ARHGAP15: variants seen among roughly 807,000 people sequenced by gnomAD.
The protein encoded by ARHGAP15 is Rho GTPase activating protein 15.
ARHGAP15 carries 51 observed loss-of-function variants against 63.7 expected under a neutral mutation model. That is an observed-to-expected ratio of 0.80 (90% CI 0.64 to 1.01). The LOEUF (loss-of-function observed/expected upper bound fraction) is 1.01. Ranked by LOEUF, ARHGAP15 falls within the 50% of genes least tolerant of loss-of-function variation. ARHGAP15 has a pLI of 0.00. For synonymous variants in ARHGAP15, 191 were observed against 193.8 expected, an observed-to-expected ratio of 0.99 and a Z score of 0.12; for missense variants, 560 against 564.6, an observed-to-expected ratio of 0.99 and a Z score of 0.08.
At chr2:143,502,134 T>C (rs1170043795) in intron 9 of ARHGAP15, among the ~76,000 whole-genome samples, 1 of 152,030 alleles carries the variant, frequency 6.6e-6, no homozygotes, top group Non-Finnish European at 1.5e-5. Context: ...TTTGGCTGGG[T>C]GCAGTGGCTC....
chr2:143,648,871 C>A (rs1681025909), intron 12 of ARHGAP15: 1 of 151,852 alleles, frequency 6.6e-6, no homozygotes. Flanking sequence ...TATCTTTTTG[C>A]CATTCTGGGA....
At chr2:143,363,268 G>C (rs1174218603) in intron 6 of ARHGAP15, among the ~76,000 whole-genome samples, 1 of 152,064 alleles carries the variant, frequency 6.6e-6, no homozygotes, top group Non-Finnish European at 1.5e-5. Flanking sequence ...TGCCCAGGTG[G>C]GGTGGCTTAT....
intron 6 of ARHGAP15, among the ~76,000 whole-genome samples, chr2:143,275,762 G>A (rs958252089): frequency 6.6e-6 from 1 of 152,150 alleles, no homozygotes; most frequent in Non-Finnish European, 1.5e-5. Context: ...GTTTGCTTGT[G>A]TCTGTACTCT....
chr2:143,348,506 C>G (rs1466429572), intron 6 of ARHGAP15, among the ~76,000 whole-genome samples: 1 of 151,800 alleles, frequency 6.6e-6, no homozygotes, highest in Non-Finnish European at 1.5e-5. Flanking sequence ...AGAATAAAAC[C>G]AAACAGTGTT....
chr2:143,719,072 C>G (rs765725386), intron 13 of ARHGAP15, among the ~76,000 whole-genome samples: 11 of 152,204 alleles, frequency 7.2e-5, no homozygotes, highest in Non-Finnish European at 1.5e-4. Context: ...AAAGAGACAA[C>G]AAGTAGAACA....
rs116277640 is a variant in ARHGAP15 at position 143,315,103 on chromosome 2, A to G, written c.474+64503A>G. Reference sequence around the variant, plus strand: ...CCTTCAAGGAGGTTTGCAGATTACAATGAGTTCTTGCAGCAACAATTATAT... The same window carrying G: ...CCTTCAAGGAGGTTTGCAGATTACAGTGAGTTCTTGCAGCAACAATTATAT... On this transcript the variant is annotated intron_variant, in intron 6 of 13. Transcript: ENST00000295095. Among the ~76,000 whole-genome samples the G allele has an allele frequency of 4.6e-3, 695 of 152,334 alleles. 4 individuals carry two copies. The highest frequency in any genetic ancestry group is 0.015 in the African/African-American group (617 of 41,582).
intron 6 of ARHGAP15, among the ~76,000 whole-genome samples, chr2:143,276,946 A>C (rs1681589835): frequency 6.6e-6 from 1 of 152,166 alleles, no homozygotes; most frequent in African/African-American, 2.4e-5. Context: ...ATGAGCAAAA[A>C]CTTCAGAGTG....
chr2:143,642,801 A>G (rs929348660), intron 12 of ARHGAP15, among the ~76,000 whole-genome samples: 2 of 152,140 alleles, frequency 1.3e-5, no homozygotes, highest in Non-Finnish European at 2.9e-5. Flanking sequence ...AGAGCCAGCC[A>G]GGGAATGTTG....
intron 12 of ARHGAP15, among the ~76,000 whole-genome samples, chr2:143,629,262 G>T (rs1197520991): frequency 6.6e-6 from 1 of 151,374 alleles, no homozygotes; most frequent in Non-Finnish European, 1.5e-5. Flanking sequence ...AATACTCATT[G>T]GGGTAACAAA....
intron 10 of ARHGAP15, among the ~76,000 whole-genome samples, chr2:143,553,836 A>T (rs1009178941): frequency 1.3e-5 from 2 of 152,246 alleles, no homozygotes; most frequent in Non-Finnish European, 2.9e-5. Flanking sequence ...AAACCAGTTT[A>T]CAATTCTATG....
chr2:143,426,854 T>C (rs1364204093), intron 6 of ARHGAP15, among the ~76,000 whole-genome samples: 1 of 152,212 alleles, frequency 6.6e-6, no homozygotes, highest in Non-Finnish European at 1.5e-5. Context: ...TCTTCTGTTC[T>C]CTGAATGTAA....
intron 6 of ARHGAP15, among the ~76,000 whole-genome samples, chr2:143,339,759 TTA>T (rs1210321716): frequency 3.3e-5 from 5 of 152,300 alleles, no homozygotes; most frequent in South Asian, 4.1e-4. Flanking sequence ...AAGTTATACT[TTA>T]TGTGTGTTCA....
At chr2:143,361,821 CAGAG>C (rs1179535129) in intron 6 of ARHGAP15, among the ~76,000 whole-genome samples, 2 of 152,176 alleles carry the variant, frequency 1.3e-5, no homozygotes, top group Non-Finnish European at 2.9e-5. Flanking sequence ...GGCTGGCTGC[CAGAG>C]AGATTATTCC....
intron 13 of ARHGAP15, among the ~76,000 whole-genome samples, chr2:143,755,162 G>A (rs1380244286): frequency 6.6e-6 from 1 of 151,784 alleles, no homozygotes; most frequent in African/African-American, 2.4e-5. Flanking sequence ...TCCAATACAG[G>A]AATCTCAAAC....
chr2:143,658,985 G>T (rs1247473842), intron 12 of ARHGAP15, among the ~76,000 whole-genome samples: 1 of 152,142 alleles, frequency 6.6e-6, no homozygotes, highest in Non-Finnish European at 1.5e-5. Context: ...AAGAATAGAT[G>T]TAGGATAGAC....
chr2:143,750,169 G>A (rs1197379010), intron 13 of ARHGAP15, among the ~76,000 whole-genome samples: 1 of 152,238 alleles, frequency 6.6e-6, no homozygotes, highest in Non-Finnish European at 1.5e-5. Flanking sequence ...GCTGGGCGTG[G>A]TGGCTCACAC....
chr2:143,222,057 TTTC>T (rs1249589883), intron 4 of ARHGAP15, among the ~76,000 whole-genome samples: 1 of 152,238 alleles, frequency 6.6e-6, no homozygotes, highest in African/African-American at 2.4e-5. Context: ...AGGCTGAATC[TTTC>T]TTCATTTTCT....
intron 6 of ARHGAP15, among the ~76,000 whole-genome samples, chr2:143,324,981 G>A (rs1684187829): frequency 6.6e-6 from 1 of 152,108 alleles, no homozygotes; most frequent in South Asian, 2.1e-4. Flanking sequence ...TCTAGCATGT[G>A]CACAATAGGT....
intron 1 of ARHGAP15, among the ~76,000 whole-genome samples, chr2:143,154,619 T>G (rs1289771136): frequency 6.6e-6 from 1 of 151,934 alleles, no homozygotes; most frequent in Non-Finnish European, 1.5e-5. Context: ...GCAACCATTC[T>G]GTTTGTAATG....
Sources: gnomAD v4.1 joint callset for allele counts (sites outside exome capture counted in the v4.1 genomes callset) on GRCh38, gnomAD v4.1.1 for gene constraint, MANE v1.5 for transcripts, NCBI Gene and HGNC (gene_info 2026-07-23, HGNC 2026-07-21) for gene names.